ATP6V1A: variants seen among roughly 807,000 people sequenced by gnomAD.
ATP6V1A encodes the protein V-type proton ATPase catalytic subunit A.
ATP6V1A carries 18 observed loss-of-function variants against 70.1 expected under a neutral mutation model. That is an observed-to-expected ratio of 0.26 (90% CI 0.18 to 0.38). The LOEUF (loss-of-function observed/expected upper bound fraction) is 0.38, where lower values mean the gene tolerates loss of function less well. Ranked by LOEUF, ATP6V1A falls within the 10% of genes least tolerant of loss-of-function variation. The probability of loss-of-function intolerance (pLI) is 1.00; values close to 1 mark genes in which losing one functional copy is unlikely to be tolerated. For missense variants in ATP6V1A, 424 were observed against 772.4 expected (o/e 0.55, Z 5.35); for synonymous variants, 232 against 253.8 (o/e 0.91, Z 0.82).
intron 12 of ATP6V1A, among the ~76,000 whole-genome samples, chr3:113,798,706 A>G (rs1397719123): frequency 6.6e-6 from 1 of 152,146 alleles, no homozygotes; most frequent in Non-Finnish European, 1.5e-5. Context: ...TAGATTTAGG[A>G]TTTGTTAGCA....
At chr3:113,794,353 T>A (rs1326368975) in intron 8 of ATP6V1A, among the ~76,000 whole-genome samples, 1 of 152,212 alleles carries the variant, frequency 6.6e-6, no homozygotes, top group Non-Finnish European at 1.5e-5. Context: ...CAACAAAGAA[T>A]AGAGAAAGTC....
chr3:113,750,145 T>C (rs1708569513), intron 1 of ATP6V1A, among the ~76,000 whole-genome samples: 1 of 152,190 alleles, frequency 6.6e-6, no homozygotes, highest in Non-Finnish European at 1.5e-5. Context: ...GGGTTCAGGT[T>C]TGATACTTAG....
intron 5 of ATP6V1A, among the ~76,000 whole-genome samples, chr3:113,785,562 G>A (rs1191636718): frequency 7.5e-6 from 1 of 133,724 alleles, no homozygotes. Flanking sequence ...AGACTGGAGT[G>A]CAGTGGTGCA....
intron 1 of ATP6V1A, among the ~76,000 whole-genome samples, chr3:113,761,190 C>G (rs1708701221): frequency 6.6e-6 from 1 of 151,854 alleles, no homozygotes; most frequent in African/African-American, 2.4e-5. Flanking sequence ...GATCCTCCCA[C>G]CTCAGCTTCC....
At chr3:113,776,083 G>A (rs2108023464) in intron 1 of ATP6V1A, among the ~76,000 whole-genome samples, 1 of 152,242 alleles carries the variant, frequency 6.6e-6, no homozygotes, top group East Asian at 1.9e-4. Context: ...TTTCTGCCAG[G>A]CGCGGTGGCT....
At chr3:113,809,309 G>A in intron 14 of ATP6V1A, 26 bp from the exon 15 acceptor site, 5 of 1,575,196 alleles carry the variant, frequency 3.2e-6, no homozygotes, top group Non-Finnish European at 4.3e-6. Flanking sequence ...CCAAATGCGA[G>A]TTGAATTTGT....
intron 1 of ATP6V1A, among the ~76,000 whole-genome samples, chr3:113,759,132 T>G (rs748670404): frequency 2.4e-4 from 36 of 152,232 alleles, no homozygotes; most frequent in Non-Finnish European, 5.0e-4. Context: ...TGTTTTTTGA[T>G]GAGCAGAGAT....
chr3:113,749,450 T>A (rs2108003449), intron 1 of ATP6V1A, among the ~76,000 whole-genome samples: 1 of 152,300 alleles, frequency 6.6e-6, no homozygotes, highest in East Asian at 1.9e-4. Context: ...TTAGGGCCCT[T>A]GGCACTTCTG....
intron 13 of ATP6V1A, among the ~76,000 whole-genome samples, chr3:113,804,080 C>T (rs1037711225): frequency 6.6e-6 from 1 of 152,078 alleles, no homozygotes; most frequent in Non-Finnish European, 1.5e-5. Context: ...TCATTGCAGC[C>T]TCAACCTCCT....
chr3:113,767,328 C>T (rs1708784260), intron 1 of ATP6V1A, among the ~76,000 whole-genome samples: 1 of 152,034 alleles, frequency 6.6e-6, no homozygotes, highest in Non-Finnish European at 1.5e-5. Context: ...CTGACCTCAT[C>T]CACCTGCCTC....
intron 8 of ATP6V1A, among the ~76,000 whole-genome samples, chr3:113,790,252 G>A (rs1369282333): frequency 1.4e-5 from 2 of 142,092 alleles, no homozygotes; most frequent in Admixed American, 7.4e-5. Context: ...GCAGCGAGCC[G>A]AGATCGCGCC....
At chr3:113,763,127 G>A (rs1371644877) in intron 1 of ATP6V1A, among the ~76,000 whole-genome samples, 2 of 151,582 alleles carry the variant, frequency 1.3e-5, no homozygotes, top group African/African-American at 4.9e-5. Flanking sequence ...GTCTCGCTCT[G>A]TCACCTAGGC....
intron 2 of ATP6V1A, among the ~76,000 whole-genome samples, chr3:113,779,859 T>A (rs1708959398): frequency 2.0e-5 from 3 of 152,192 alleles, no homozygotes; most frequent in Admixed American, 6.5e-5. Context: ...ATTTTAAAAA[T>A]TTTTTTAAAT....
chr3:113,751,775 G>C (rs993763038), intron 1 of ATP6V1A, among the ~76,000 whole-genome samples: 1 of 151,484 alleles, frequency 6.6e-6, no homozygotes, highest in South Asian at 2.1e-4. Flanking sequence ...AAGTGGTTGT[G>C]TATCTTCGTA....
At chr3:113,794,778 G>A (rs1317402850) in intron 8 of ATP6V1A, 94 bp from the exon 9 acceptor site, 7 of 1,410,062 alleles carry the variant, frequency 5.0e-6, no homozygotes, top group Non-Finnish European at 6.7e-6. Context: ...TCTACGTTGT[G>A]TACTTATTGC....
intron 3 of ATP6V1A, 83 bp downstream of exon 3, chr3:113,781,261 G>A: frequency 6.9e-7 from 1 of 1,441,588 alleles, no homozygotes; most frequent in Non-Finnish European, 9.2e-7. Context: ...CTCACACAAA[G>A]TAATCCCAGC....
At chr3:113,762,847 C>T (rs1056459956) in intron 1 of ATP6V1A, among the ~76,000 whole-genome samples, 1 of 151,954 alleles carries the variant, frequency 6.6e-6, no homozygotes. Context: ...AAAGGTTTTT[C>T]TAATATTGCA....
At chr3:113,770,339 C>T (rs1425167033) in intron 1 of ATP6V1A, among the ~76,000 whole-genome samples, 2 of 151,092 alleles carry the variant, frequency 1.3e-5, no homozygotes, top group East Asian at 2.0e-4. Context: ...CATGAATTAT[C>T]GAGACTGGCC....
intron 8 of ATP6V1A, 61 bp from the exon 9 acceptor site, chr3:113,794,811 A>G: frequency 6.5e-7 from 1 of 1,543,784 alleles, no homozygotes; most frequent in Non-Finnish European, 8.7e-7. Flanking sequence ...TTAAGGGTGG[A>G]AAAAAACAGG....
Sources: allele counts gnomAD v4.1 joint callset (sites outside exome capture counted in the v4.1 genomes callset), GRCh38; gene constraint gnomAD v4.1.1; transcripts MANE v1.5; gene names NCBI Gene and HGNC (gene_info 2026-07-23, HGNC 2026-07-21).